XPNPEP3: variants seen among roughly 807,000 people sequenced by gnomAD.
XPNPEP3 encodes X-prolyl aminopeptidase 3.
XPNPEP3 carries 41 observed loss-of-function variants against 60.0 expected under a neutral mutation model. The observed-to-expected ratio is 0.68, with a 90% CI of 0.53 to 0.89. The LOEUF is 0.89. Among genes scored for constraint, XPNPEP3 ranks in the 40% least tolerant of loss-of-function variants. The probability of loss-of-function intolerance (pLI) is 0.00; values close to 1 mark genes in which losing one functional copy is unlikely to be tolerated. For missense variants in XPNPEP3, 598 were observed against 638.9 expected (o/e 0.94, Z 0.69); for synonymous variants, 212 against 223.2 (o/e 0.95, Z 0.45).
At chr22:40,910,471 A>G (rs1474907090) in intron 6 of XPNPEP3, among the ~76,000 whole-genome samples, 1 of 151,404 alleles carries the variant, frequency 6.6e-6, no homozygotes, top group Non-Finnish European at 1.5e-5. Context: ...TGGGGAGGTC[A>G]AGGTGGGCAG....
In XPNPEP3 at chr22:40,857,188, T is replaced by C; in HGVS notation, c.7T>C (p.Trp3Arg). 1 of 1,614,210 alleles carries C rather than the reference T, an allele frequency of 6.2e-7. No individual in the cohort carries two copies. Among genetic ancestry groups the C allele is most frequent in the Non-Finnish European group, 8.5e-7 (1 of 1,180,028 alleles). The change falls in exon 1 of 10, where the codon TGG becomes CGG. Residue 3 changes from tryptophan to arginine, a missense_variant. Physicochemically the swap from Trp to Arg is moderately radical, Grantham distance 101 (BLOSUM62 -3). Transcript: ENST00000357137. ...ACGCGTGAGTTAGGCCGTAATGCCT[T>C]GGCTGCTCTCAGCCCCCAAGCTGGT... MP[W>R]LLSAPKLVPA... is the part of the protein sequence containing the mutation.
rs951520499 is a variant in XPNPEP3, at chr22:40,861,307, C to T, written c.64+4062C>T. ...CTGCATTCTTTTGCAAAGCCCTCTTCATTGGCCACACTATTTACAAGAAAA... is the reference window on the plus strand; with the variant it reads ...CTGCATTCTTTTGCAAAGCCCTCTTTATTGGCCACACTATTTACAAGAAAA... On this transcript the variant is annotated intron_variant, in intron 1 of 9. Transcript: ENST00000357137. 4.3e-6 allele frequency: 7 copies of T among 1,614,034 alleles called. No homozygotes were observed. In the Admixed American group the frequency reaches 6.7e-5, roughly 15 times the overall value.
intron 1 of XPNPEP3, among the ~76,000 whole-genome samples, chr22:40,858,822 G>A (rs2057923003): frequency 6.6e-6 from 1 of 152,176 alleles, no homozygotes; most frequent in African/African-American, 2.4e-5. Context: ...GAGCCACCGC[G>A]CCCGGCTTAG....
chr22:40,907,567 ATCC>A lies in XPNPEP3; in HGVS notation c.793-15_793-13del. On this transcript the variant is annotated splice_polypyrimidine_tract_variant and intron_variant, in intron 4 of 9. Coordinates refer to ENST00000357137, the MANE Select transcript of XPNPEP3 (RefSeq NM_022098.4). ...CATAGAATGAGATCGTGTTCTTTTC[ATCC>A]TCCTTTCTCTTTGCAGGCTTTCATA... 6.2e-7 allele frequency: 1 copy of A among 1,611,118 alleles called. No homozygotes were observed. The highest frequency in any genetic ancestry group is 2.2e-5 in the East Asian group (1 of 44,852).
intron 2 of XPNPEP3, among the ~76,000 whole-genome samples, chr22:40,878,004 C>T (rs1257683407): frequency 6.6e-6 from 1 of 152,020 alleles, no homozygotes; most frequent in Non-Finnish European, 1.5e-5. Flanking sequence ...GTCAGGAGTT[C>T]AAGACCAGCC....
At chr22:40,876,411 C>A (rs9619913) in intron 2 of XPNPEP3, among the ~76,000 whole-genome samples, 2 of 152,094 alleles carry the variant, frequency 1.3e-5, no homozygotes, top group Non-Finnish European at 2.9e-5. Flanking sequence ...CTAAGTGTTA[C>A]GTTTTAAGTG....
chr22:40,875,707 C>T (rs1381938979), intron 2 of XPNPEP3, among the ~76,000 whole-genome samples: 6 of 151,842 alleles, frequency 4.0e-5, no homozygotes. Flanking sequence ...AGTATAAATA[C>T]TAGAAAATTA....
At chr22:40,869,964 AT>A (rs2057997314) in intron 2 of XPNPEP3, 1 of 453,050 alleles carries the variant, frequency 2.2e-6, no homozygotes, top group Non-Finnish European at 4.6e-6. Context: ...CTTTAGAAAT[AT>A]GTTCCTTTTT....
At chr22:40,868,717 G>A (rs570288056) in intron 1 of XPNPEP3, among the ~76,000 whole-genome samples, 6 of 151,996 alleles carry the variant, frequency 3.9e-5, no homozygotes, top group Admixed American at 1.3e-4. Context: ...ATGGTGGCAC[G>A]CACCTGTAAT....
chr22:40,857,930 G>T (rs1282315844), intron 1 of XPNPEP3, among the ~76,000 whole-genome samples: 1 of 152,146 alleles, frequency 6.6e-6, no homozygotes, highest in Non-Finnish European at 1.5e-5. Flanking sequence ...CTATGTCTTG[G>T]CATATGTTTA....
intron 4 of XPNPEP3, chr22:40,907,075 T>C (rs2058158498): frequency 1.1e-5 from 5 of 456,196 alleles, no homozygotes; most frequent in Non-Finnish European, 2.2e-5. Context: ...AATTGCAACG[T>C]GAATTTTGGA....
At chr22:40,924,049 C>G (rs2058225995) in intron 8 of XPNPEP3, among the ~76,000 whole-genome samples, 1 of 151,906 alleles carries the variant, frequency 6.6e-6, no homozygotes, top group Non-Finnish European at 1.5e-5. Flanking sequence ...TTATTTTTAT[C>G]TTTCCTGTGG....
rs545060998 is a variant in XPNPEP3, at chr22:40,891,450, C to T, written c.792+4935C>T. ...CGGGCGGATCACAAGGTCAGGAGTT[C>T]GAGACCAGCCTGGCCTATATGGTGA... On this transcript the variant is annotated intron_variant, in intron 4 of 9. Transcript: ENST00000357137. 1.2e-4 allele frequency among the ~76,000 whole-genome samples: 18 copies of T among 151,402 alleles called. No homozygotes were observed. In the East Asian group the frequency reaches 2.5e-3, roughly 21 times the overall value.
chr22:40,917,611 G>T (rs1472169834), intron 7 of XPNPEP3: 4 of 151,734 alleles, frequency 2.6e-5, no homozygotes, highest in Admixed American at 6.6e-5. Context: ...GATAAATTCG[G>T]TCAGGCATTA....
chr22:40,909,211 T>C lies in XPNPEP3; in HGVS notation c.945T>C (p.Tyr315=), dbSNP rs1399292878. The C allele has an allele frequency of 1.2e-6, 2 of 1,614,080 alleles. No individual in the cohort carries two copies. The highest frequency in any genetic ancestry group is 1.3e-5 in the African/African-American group (1 of 74,936). ...AGGNRSNTLH[Y]VKNNQLIKDG... is the part of the protein sequence containing the mutation. Reference sequence around the variant, plus strand: ...GTAATCGGTCAAACACTTTGCACTATGTGAAAAATAATCAACTCATCAAGG... The same window carrying C: ...GTAATCGGTCAAACACTTTGCACTACGTGAAAAATAATCAACTCATCAAGG... The change falls in exon 6 of 10, where the codon TAT becomes TAC. Residue 315 remains tyrosine, a synonymous_variant. Transcript: ENST00000357137.
chr22:40,910,138 A>T (rs1040510980), intron 6 of XPNPEP3, among the ~76,000 whole-genome samples: 2 of 151,926 alleles, frequency 1.3e-5, no homozygotes, highest in Non-Finnish European at 2.9e-5. Context: ...AAAAAAAAAA[A>T]CAAAAATAAA....
chr22:40,906,445 C>T (rs987371921), intron 4 of XPNPEP3, among the ~76,000 whole-genome samples: 1 of 151,022 alleles, frequency 6.6e-6, no homozygotes, highest in African/African-American at 2.4e-5. Flanking sequence ...AATGCACACA[C>T]ATATAGTGTG....
chr22:40,864,095 C>G (rs1021672287), intron 1 of XPNPEP3, among the ~76,000 whole-genome samples: 1 of 152,240 alleles, frequency 6.6e-6, no homozygotes, highest in African/African-American at 2.4e-5. Context: ...TAAAGAATGG[C>G]TACTCCATAG....
At chr22:40,895,104 A>T (rs1225686856) in intron 4 of XPNPEP3, among the ~76,000 whole-genome samples, 16 of 152,292 alleles carry the variant, frequency 1.1e-4, no homozygotes, top group African/African-American at 3.8e-4. Flanking sequence ...CAGTTCTAGA[A>T]CAGTCATCTG....
Sources: allele counts gnomAD v4.1 joint callset (sites outside exome capture counted in the v4.1 genomes callset), GRCh38; gene constraint gnomAD v4.1.1; transcripts MANE v1.5; gene names NCBI Gene and HGNC (gene_info 2026-07-23, HGNC 2026-07-21).